The following FBN3 variants were observed in gnomAD, a reference collection of about 807,000 sequenced individuals.
The protein encoded by FBN3 is fibrillin 3.
A neutral mutation model predicts 330.1 loss-of-function variants in FBN3; 234 were observed. The ratio of observed to expected loss-of-function variants is 0.71; its 90% CI spans 0.64 to 0.79. The LOEUF is 0.79. Among genes scored for constraint, FBN3 ranks in the 30% least tolerant of loss-of-function variants. The pLI is 0.00. For missense variants in FBN3, 3,606 were observed against 3,886.9 expected (o/e 0.93, Z 1.92); for synonymous variants, 1,458 against 1,517.3 (o/e 0.96, Z 0.91).
At position 8,066,121 on chromosome 19, in the gene FBN3, C is replaced by T. The variant is rs917658642; in HGVS notation, c.8228G>A (p.Arg2743His). The T allele has an allele frequency of 9.3e-6, 15 of 1,613,388 alleles. No individual in the cohort carries two copies. Among genetic ancestry groups the T allele is most frequent in the East Asian group, 6.7e-5 (3 of 44,892 alleles). Residue 2743 changes from arginine to histidine, a missense_variant, in exon 64 of 64, where the codon CGC (arginine) becomes CAC (histidine). Arg to His is a conservative substitution (Grantham distance 29). Coordinates refer to ENST00000600128, the MANE Select transcript of FBN3 (RefSeq NM_032447.5). ...LEGRIRYVIV[R>H]GNEQGFFRMH... ...GCGAAAGAAACCTTGCTCGTTTCCG[C>T]GGACGATGACGTAGCGGATCCGGCC...
chr19:8,111,901 C>T, intron 31 of FBN3, 76 bp downstream of exon 31: 2 of 1,146,980 alleles, frequency 1.7e-6, no homozygotes, highest in Non-Finnish European at 2.4e-6. Flanking sequence ...CACCCTCCCA[C>T]TGCCTTGCCC....
intron 13 of FBN3, among the ~76,000 whole-genome samples, chr19:8,135,284 T>A (rs891636915): frequency 6.7e-6 from 1 of 150,080 alleles, no homozygotes; most frequent in African/African-American, 2.4e-5. Context: ...AAAAAAAAAT[T>A]TTTTTTTTTT....
At chr19:8,115,768 A>C in intron 29 of FBN3, 128 bp from the exon 30 acceptor site, 1 of 1,080,664 alleles carries the variant, frequency 9.3e-7, no homozygotes, top group Non-Finnish European at 1.3e-6. Flanking sequence ...CTCTGCTAGG[A>C]CTCTCTTTCT....
rs1226716731 is a variant in FBN3 at position 8,126,715 on chromosome 19, A to G, written c.2414T>C (p.Leu805Pro). 3.1e-6 allele frequency: 5 copies of G among 1,587,582 alleles called. No homozygotes were observed. In the South Asian group the frequency reaches 5.7e-5, roughly 18 times the overall value. ...CGTCGGGCTCCGGGGCCGCTCACCT[A>G]GACAGAAGGTACCAGAGGGGTCCAG... ...SRLDPSGTFC[L>P]DSTKGTCWLK... The change falls in exon 19 of 64, where the codon CTA becomes CCA. Residue 805 changes from leucine (L) to proline (P), a missense_variant and splice_region_variant. Physicochemically the swap from Leu to Pro is moderately conservative, Grantham distance 98 (BLOSUM62 -3). Coordinates refer to ENST00000600128, the MANE Select transcript of FBN3 (RefSeq NM_032447.5).
At position 8,121,397 on chromosome 19, in the gene FBN3, A is replaced by AT. The variant is rs1555745049; in HGVS notation, c.3083-12_3083-11insA. On this transcript the variant is annotated splice_polypyrimidine_tract_variant and intron_variant, in intron 24 of 63. Transcript: ENST00000600128. This position sits in a 1 kb window ranked among gnomAD's most constrained non-coding sequence, Gnocchi z 4.5. ...GACACTCGTCGATATCTGTGGGGAG[A>AT]GGGGGCAGAGGCCGGAGGCGCCATG... 5.1e-6 allele frequency: 8 copies of AT among 1,582,808 alleles called. No individual in the cohort carries two copies. The South Asian group carries it at 6.9e-5, about 14-fold the overall frequency.
intron 1 of FBN3, chr19:8,148,964 G>C (rs538659240): frequency 1.3e-5 from 2 of 152,998 alleles, no homozygotes; most frequent in African/African-American, 4.8e-5. Flanking sequence ...AATTAGGTGG[G>C]GGGAGTCTCT....
intron 63 of FBN3, 105 bp downstream of exon 63, chr19:8,071,943 G>C: frequency 8.6e-7 from 1 of 1,165,038 alleles, no homozygotes; most frequent in South Asian, 1.5e-5. Context: ...CTGGAGCCTG[G>C]TGCTCCTTCT....
At chr19:8,135,940 A>ACCCCCCCCCCCCCCCCCC in intron 13 of FBN3, 21 bp downstream of exon 13, 1 of 168,340 alleles carries the variant, frequency 5.9e-6, no homozygotes, top group Non-Finnish European at 1.1e-5. Flanking sequence ...GCCCCTGCCC[A>ACCCCCCCCCCCCCCCCCC]CCCGCCCACC....
At chr19:8,117,844 C>T (rs1016489945) in intron 26 of FBN3, among the ~76,000 whole-genome samples, 14 of 152,174 alleles carry the variant, frequency 9.2e-5, no homozygotes, top group African/African-American at 3.1e-4. Context: ...CACCCACTCA[C>T]GTGTGAACAC....
At chr19:8,127,013 G>A (rs2083006688) in intron 18 of FBN3, among the ~76,000 whole-genome samples, 181 bp from the exon 19 acceptor site, 1 of 147,996 alleles carries the variant, frequency 6.8e-6, no homozygotes, top group Admixed American at 6.7e-5. Context: ...TGAGCTGTGT[G>A]TGTACATGCT....
intron 62 of FBN3, among the ~76,000 whole-genome samples, chr19:8,072,704 T>A (rs2081542842): frequency 7.0e-6 from 1 of 143,050 alleles, no homozygotes. Flanking sequence ...GAGTGCACAC[T>A]GGGACATGCG....
rs2082208006 is a variant in FBN3, at chr19:8,096,348, T to G, written c.5539+96A>C. 1.4e-6 allele frequency: 2 copies of G among 1,446,064 alleles called. No individual in the cohort carries two copies. Among genetic ancestry groups the G allele is most frequent in the African/African-American group, 2.8e-5 (2 of 70,588 alleles). 89.6% of individuals were successfully genotyped at this position (1,446,064 alleles called of 1,614,324 possible). On this transcript the variant is annotated intron_variant, in intron 44 of 63. Transcript: ENST00000600128. The surrounding 1 kb of genome is among the most constrained non-coding windows in gnomAD (Gnocchi z 4.6). The stretch of plus-strand genomic sequence containing the variant: ...CAGGACCCAAACTTGGATCTCTTTG[T>G]GAACTAGGATGGACAGAAACACCAC...
intron 18 of FBN3, among the ~76,000 whole-genome samples, chr19:8,127,994 C>G (rs1045862973): frequency 5.3e-5 from 8 of 151,974 alleles, no homozygotes; most frequent in African/African-American, 1.4e-4. Flanking sequence ...GAGCGAGACT[C>G]TGTCTCAAAA....
At chr19:8,128,805 A>G (rs2083054746) in intron 18 of FBN3, among the ~76,000 whole-genome samples, 1 of 152,066 alleles carries the variant, frequency 6.6e-6, no homozygotes, top group South Asian at 2.1e-4. Context: ...GATGTTTCTG[A>G]GCGTGTGCAT....
chr19:8,106,471 A>G (rs1466061547), intron 37 of FBN3, among the ~76,000 whole-genome samples: 1 of 152,218 alleles, frequency 6.6e-6, no homozygotes, highest in Admixed American at 6.5e-5. Context: ...CATCCACCAC[A>G]TAGTTTCCTC....
At chr19:8,072,007 C>A (rs1219992540) in intron 63 of FBN3, 41 bp downstream of exon 63, 3 of 1,584,360 alleles carry the variant, frequency 1.9e-6, no homozygotes, top group Non-Finnish European at 8.6e-7. Context: ...CACACTCACC[C>A]ATTCCCTGGC....
Position 8,110,860 on chromosome 19 carries a change from C to A in FBN3, c.4318G>T (p.Gly1440Cys). The part of the protein sequence containing the change: ...CNGGYELDRG[G>C]GNCTDINECA... ...GACCTCACACCTGTGCAGTTGCCAC[C>A]CCCTCGGTCCAGTTCGTAGCCACCA... is the stretch of plus-strand genomic sequence containing the variant. Residue 1440 changes from glycine to cysteine, a missense_variant, in exon 34 of 64, where the codon GGT becomes TGT. Physicochemically the swap from Gly to Cys is radical, Grantham distance 159 (BLOSUM62 -3). Coordinates refer to ENST00000600128, the MANE Select transcript of FBN3 (RefSeq NM_032447.5). 3 of 1,614,244 alleles carry A rather than the reference C, an allele frequency of 1.9e-6. No homozygotes were observed. The highest frequency in any genetic ancestry group is 1.1e-5 in the South Asian group (1 of 91,086).
rs1350540852 is a variant in FBN3 at position 8,090,183 on chromosome 19, T to C, written c.6100A>G (p.Thr2034Ala). The C allele has an allele frequency of 6.2e-7, 1 of 1,613,800 alleles. No individual in the cohort carries two copies. Among genetic ancestry groups the C allele is most frequent in the Non-Finnish European group, 8.5e-7 (1 of 1,179,984 alleles). ...GKCSVPKAFN[T>A]TKTRCCCSKR... ...CTGCAGCAGCAGCGGGTCTTGGTGG[T>C]GTTGAAAGCTTTGGGCACCGAGCAC... The change falls in exon 49 of 64, where the codon ACC becomes GCC. Residue 2034 changes from threonine to alanine, a missense_variant. By Grantham distance (58) the Thr-to-Ala change is moderately conservative. Coordinates refer to ENST00000600128, the MANE Select transcript of FBN3 (RefSeq NM_032447.5).
intron 6 of FBN3, among the ~76,000 whole-genome samples, chr19:8,144,363 C>T (rs1297911158): frequency 6.6e-6 from 1 of 151,486 alleles, no homozygotes; most frequent in African/African-American, 2.4e-5. Context: ...TATCACTGCA[C>T]TCTAGCCCGA....
Sources: gnomAD v4.1 joint callset for allele counts (sites outside exome capture counted in the v4.1 genomes callset) on GRCh38, gnomAD v4.1.1 for gene constraint, Gnocchi (gnomAD v3.1) non-coding constraint, MANE v1.5 for transcripts, NCBI Gene and HGNC (gene_info 2026-07-23, HGNC 2026-07-21) for gene names.